The following MICAL3 variants were observed in gnomAD, a reference collection of about 807,000 sequenced individuals.
MICAL3 encodes the protein [F-actin]-monooxygenase MICAL3.
A neutral mutation model predicts 207.4 loss-of-function variants in MICAL3; 62 were observed. The observed-to-expected ratio is 0.30, with a 90% CI of 0.24 to 0.37. The LOEUF is 0.37. MICAL3 is among the 10% of genes least tolerant of loss of function. The probability of loss-of-function intolerance (pLI) is 1.00; values close to 1 mark genes in which losing one functional copy is unlikely to be tolerated. For missense variants in MICAL3, 2,368 were observed against 2,635.6 expected, an observed-to-expected ratio of 0.90 and a Z score of 2.22; for synonymous variants, 1,077 against 1,069.3, an observed-to-expected ratio of 1.01 and a Z score of -0.14.
At chr22:17,914,613 C>T (rs751024958) in intron 1 of MICAL3, among the ~76,000 whole-genome samples, 1 of 152,142 alleles carries the variant, frequency 6.6e-6, no homozygotes, top group African/African-American at 2.4e-5. Flanking sequence ...AGCTGCCCAG[C>T]TAGCAATGGA....
chr22:17,798,383 C>T (rs571211187), intron 29 of MICAL3, among the ~76,000 whole-genome samples: 8 of 152,286 alleles, frequency 5.3e-5, no homozygotes, highest in African/African-American at 1.4e-4. Context: ...GAACATCCTG[C>T]GTAGATAGAG....
chr22:17,919,802 G>C (rs1932756825), intron 1 of MICAL3, among the ~76,000 whole-genome samples: 1 of 152,248 alleles, frequency 6.6e-6, no homozygotes, highest in Admixed American at 6.5e-5. Flanking sequence ...TCAGAAGAGA[G>C]CCTGTCAGGA....
chr22:17,894,933 G>GT (rs1930700176), intron 10 of MICAL3, among the ~76,000 whole-genome samples: 1 of 152,122 alleles, frequency 6.6e-6, no homozygotes, highest in Non-Finnish European at 1.5e-5. Context: ...TTCAGACAAT[G>GT]TAAGTCACAC....
rs913866040 is a variant in MICAL3 at position 18,000,843 on chromosome 22, C to G, written c.-75+23438G>C. 7.2e-5 allele frequency among the ~76,000 whole-genome samples: 11 copies of G among 152,310 alleles called. No homozygotes were observed. The East Asian group carries it at 1.5e-3, about 21-fold the overall frequency. Reference sequence around the variant, plus strand: ...AGCCCACGCTTGGCGCACGCTAGCTCCAGGCCGGGGCAGCGGGACGGGGAG... The same window carrying G: ...AGCCCACGCTTGGCGCACGCTAGCTGCAGGCCGGGGCAGCGGGACGGGGAG... On this transcript the variant is annotated intron_variant, in intron 1 of 31. Coordinates refer to ENST00000441493, the MANE Select transcript of MICAL3 (RefSeq NM_015241.3).
chr22:17,828,074 GCTC>G (rs1396092182), intron 21 of MICAL3, among the ~76,000 whole-genome samples: 1 of 152,150 alleles, frequency 6.6e-6, no homozygotes. Context: ...CCTTTCTGAG[GCTC>G]CTTTCATCCT....
intron 19 of MICAL3, chr22:17,858,601 C>T: frequency 6.7e-6 from 2 of 296,490 alleles, no homozygotes; most frequent in South Asian, 1.3e-4. Context: ...ATAAGAGTGG[C>T]CCATTTTCAC....
At chr22:17,980,017 AG>A (rs1425706447) in intron 1 of MICAL3, among the ~76,000 whole-genome samples, 2 of 152,066 alleles carry the variant, frequency 1.3e-5, no homozygotes, top group Non-Finnish European at 2.9e-5. Flanking sequence ...TGTATAGAAA[AG>A]GGGTCTCATT....
chr22:18,016,625 T>C (rs1924070457), intron 1 of MICAL3, among the ~76,000 whole-genome samples: 1 of 152,170 alleles, frequency 6.6e-6, no homozygotes, highest in South Asian at 2.1e-4. Context: ...ATGCACAGAA[T>C]TGTAATGTTT....
Position 17,918,343 on chromosome 22 carries a change from A to C in MICAL3, c.-74-11457T>G, listed in dbSNP as rs188831717. Among the ~76,000 whole-genome samples, 14 of 152,302 alleles carry C rather than the reference A, an allele frequency of 9.2e-5. No homozygotes were observed. In the East Asian group the frequency reaches 2.7e-3, roughly 29 times the overall value. Reference sequence around the variant, plus strand: ...TTTACTATATGTAAAATTAAGACTGAGACAAAATTTCAACATTAATTCACT... The same window carrying C: ...TTTACTATATGTAAAATTAAGACTGCGACAAAATTTCAACATTAATTCACT... On this transcript the variant is annotated intron_variant, in intron 1 of 31. Coordinates refer to ENST00000441493, the MANE Select transcript of MICAL3 (RefSeq NM_015241.3).
intron 20 of MICAL3, chr22:17,834,589 A>G: frequency 4.5e-6 from 5 of 1,122,418 alleles, no homozygotes; most frequent in Non-Finnish European, 5.5e-6. Context: ...AAAATAACAA[A>G]AGCTCCTTAT....
chr22:17,963,947 G>A (rs556313337), intron 1 of MICAL3, among the ~76,000 whole-genome samples: 4 of 152,166 alleles, frequency 2.6e-5, no homozygotes, highest in Non-Finnish European at 5.9e-5. Context: ...ATAATACACA[G>A]TACAATCTGA....
rs2146033928 is a variant in MICAL3, at chr22:17,827,745, GC to G, written c.3091del (p.Ala1031ArgfsTer42). The G allele has an allele frequency of 3.2e-6, 5 of 1,559,480 alleles. No homozygotes were observed. Among genetic ancestry groups the G allele is most frequent in the Non-Finnish European group, 4.3e-6 (5 of 1,152,002 alleles). ...NQRLQQVMHA[A>X]DPLEIQADVH... ...GTCAGCCTGGATCTCCAGAGGATCC[GC>G]CGCGTGCATGACCTGCTGGAGCCTC... On this transcript the variant is annotated frameshift_variant, in exon 22 of 32. Transcript: ENST00000441493. LOFTEE classifies it high-confidence loss of function.
chr22:17,901,907 C>A lies in MICAL3; in HGVS notation c.662G>T (p.Gly221Val). The change falls in exon 5 of 32, where the codon GGT becomes GTT. Residue 221 changes from glycine to valine, a missense_variant. By Grantham distance (109) the Gly-to-Val change is moderately radical. Transcript: ENST00000441493. ...VSEYEFEVIIGGDGRRNTLEG... is the reference protein window; with the variant it reads ...VSEYEFEVIIVGDGRRNTLEG... ...CAAGGTGTTCCTCCGACCATCCCCA[C>A]CGATGATCACTTCAAATTCATACTC... 2 of 1,613,678 alleles carry A rather than the reference C, an allele frequency of 1.2e-6. No homozygotes were observed. The highest frequency in any genetic ancestry group is 1.7e-6 in the Non-Finnish European group (2 of 1,179,664).
rs982570151 is a variant in MICAL3, at chr22:17,841,458, G to A, written c.2801+364C>T. The A allele has an allele frequency of 4.3e-5, 19 of 442,848 alleles. No homozygotes were observed. The highest frequency in any genetic ancestry group is 6.5e-5 in the Non-Finnish European group (16 of 247,880). 27.4% of individuals were successfully genotyped at this position (442,848 alleles called of 1,614,324 possible). ...GACTAGGCCTCCCTCAAGACGGCCC[G>A]GTGCACTGGTGGCTGAATCACCCAG... On this transcript the variant is annotated intron_variant, in intron 20 of 31. Transcript: ENST00000441493. The surrounding 1 kb of genome is among the most constrained non-coding windows in gnomAD (Gnocchi z 4.2).
At position 17,821,550 on chromosome 22, in the gene MICAL3, C is replaced by T. The variant is rs550750408; in HGVS notation, c.3449-41G>A. 79 of 1,494,522 alleles carry T rather than the reference C, an allele frequency of 5.3e-5. No individual in the cohort carries two copies. The South Asian group carries it at 8.2e-4, about 16-fold the overall frequency. The allele number at this position is 1,494,522 out of a possible 1,614,324, so 92.6% of individuals were successfully genotyped here. On this transcript the variant is annotated intron_variant, in intron 24 of 31. Coordinates refer to ENST00000441493, the MANE Select transcript of MICAL3 (RefSeq NM_015241.3). ...ACAGGGACTTACAAGAGGAAGCCCCCCCATGTGCCAGGAAGGCACCCCTAT... is the reference window on the plus strand; with the variant it reads ...ACAGGGACTTACAAGAGGAAGCCCCTCCATGTGCCAGGAAGGCACCCCTAT...
chr22:17,954,480 G>A (rs1040937850), intron 1 of MICAL3, among the ~76,000 whole-genome samples: 7 of 152,118 alleles, frequency 4.6e-5, no homozygotes, highest in Admixed American at 2.0e-4. Context: ...GCATGGGGAG[G>A]GTAGGGAATG....
chr22:17,801,442 C>T (rs1453122232), intron 29 of MICAL3, among the ~76,000 whole-genome samples: 1 of 50,056 alleles, frequency 2.0e-5, no homozygotes, highest in Non-Finnish European at 3.3e-5. Context: ...CGTGAGCCAC[C>T]GCGCCCGGCC....
At chr22:17,896,654 C>G (rs1490904073) in intron 8 of MICAL3, 70 bp downstream of exon 8, 2 of 1,509,770 alleles carry the variant, frequency 1.3e-6, no homozygotes, top group Non-Finnish European at 1.8e-6. Context: ...ATTCCAAGAC[C>G]CAGGATGCCC....
At chr22:17,794,663 T>C (rs976785055) in intron 29 of MICAL3, among the ~76,000 whole-genome samples, 4 of 152,194 alleles carry the variant, frequency 2.6e-5, no homozygotes, top group Admixed American at 2.6e-4. Flanking sequence ...GACCCCATGC[T>C]GCAGCTGGGG....
Sources: gnomAD v4.1 joint callset for allele counts (sites outside exome capture counted in the v4.1 genomes callset) on GRCh38, gnomAD v4.1.1 for gene constraint, Gnocchi (gnomAD v3.1) non-coding constraint, MANE v1.5 for transcripts, NCBI Gene and HGNC (gene_info 2026-07-23, HGNC 2026-07-21) for gene names.